The following EML2 variants were observed in gnomAD, a reference collection of about 807,000 sequenced individuals.
The protein encoded by EML2 is echinoderm microtubule-associated protein-like 2.
A neutral mutation model predicts 84.7 loss-of-function variants in EML2; 59 were observed. The observed-to-expected ratio is 0.70, with a 90% CI of 0.56 to 0.86. EML2 has a LOEUF of 0.86. EML2 is among the 40% of genes least tolerant of loss of function. The pLI is 0.00. For synonymous variants in EML2, 352 were observed against 348.9 expected, an observed-to-expected ratio of 1.01 and a Z score of -0.10; for missense variants, 818 against 855.6, an observed-to-expected ratio of 0.96 and a Z score of 0.55.
chr19:45,643,012 GA>G (rs140599188), upstream of EML2, among the ~76,000 whole-genome samples: 8 of 149,680 alleles, frequency 5.3e-5, no homozygotes, highest in South Asian at 4.2e-4. Flanking sequence ...AAAAGAAAAA[GA>G]AAAAAAAGAT....
At chr19:45,611,593 C>T (rs192124333) in intron 18 of EML2, among the ~76,000 whole-genome samples, 6 of 152,034 alleles carry the variant, frequency 3.9e-5, no homozygotes, top group Non-Finnish European at 5.9e-5. Flanking sequence ...TCAAGTGATC[C>T]TCCTGCCTCA....
At chr19:45,623,573 C>T (rs1190719079) in intron 9 of EML2, 1 of 150,384 alleles carries the variant, frequency 6.6e-6, no homozygotes, top group East Asian at 2.0e-4. Context: ...TTTTTTGAGA[C>T]AGAGTCTTGC....
At position 45,615,889 on chromosome 19, in the gene EML2, C is replaced by T. The variant is rs768452550; in HGVS notation, c.1510G>A (p.Gly504Ser). The T allele has an allele frequency of 6.8e-6, 11 of 1,613,464 alleles. No homozygotes were observed. Among genetic ancestry groups the T allele is most frequent in the Non-Finnish European group, 8.5e-6 (10 of 1,179,610 alleles). ...RKVSRLGKCS[G>S]HSSFITHLDW... The stretch of plus-strand genomic sequence containing the variant: ...AGGTGGGTGATAAAACTGGAATGGC[C>T]CTGCGGGGGAGGGAAGGGATGGTGT... Residue 504 changes from glycine to serine, a missense_variant and splice_region_variant, in exon 16 of 19, where the codon GGC becomes AGC. Gly to Ser is a moderately conservative substitution (Grantham distance 56). Transcript: ENST00000245925.
intron 9 of EML2, among the ~76,000 whole-genome samples, chr19:45,621,847 T>C (rs1397165851): frequency 6.6e-6 from 1 of 151,580 alleles, no homozygotes; most frequent in Non-Finnish European, 1.5e-5. Flanking sequence ...TGGGTTCAAG[T>C]GACTCTCCTA....
At chr19:45,628,656 C>T (rs1029278968) in intron 7 of EML2, 2 of 152,012 alleles carry the variant, frequency 1.3e-5, no homozygotes, top group African/African-American at 4.8e-5. Flanking sequence ...AACCCCGTCT[C>T]TACTAAAAAT....
chr19:45,634,266 CT>C (rs1041301696), intron 4 of EML2, 55 bp downstream of exon 4: 75 of 1,606,916 alleles, frequency 4.7e-5, no homozygotes, highest in Non-Finnish European at 5.7e-5. Flanking sequence ...GGGGCAGGGG[CT>C]GGAGCTCCAT....
rs780573115 is a variant in EML2, at chr19:45,632,969, C to T, written c.402G>A (p.Pro134=). The T allele has an allele frequency of 2.5e-6, 4 of 1,613,660 alleles. No homozygotes were observed. The Admixed American group carries it at 6.7e-5, about 27-fold the overall frequency. Residue 134 remains proline (P), a splice_region_variant and synonymous_variant, in exon 6 of 19, where the codon CCG becomes CCA. Coordinates refer to ENST00000245925, the MANE Select transcript of EML2 (RefSeq NM_012155.4). ...CCCAGATGCGCACGTGGGGCGGCAG[C>T]GGCTGCAGGGAAGAGAGGCTTGTTA... The part of the protein sequence containing the change: ...QVAGTTKEGK[P]LPPHVRIWDS...
intron 10 of EML2, 59 bp downstream of exon 10, chr19:45,621,424 C>T: frequency 6.3e-7 from 1 of 1,582,766 alleles, no homozygotes; most frequent in Non-Finnish European, 8.6e-7. Context: ...GCGTTGGGAG[C>T]CCTGGTGAGA....
At chr19:45,630,319 C>T (rs1443468354) in intron 6 of EML2, among the ~76,000 whole-genome samples, 2 of 150,320 alleles carry the variant, frequency 1.3e-5, no homozygotes, top group Non-Finnish European at 3.0e-5. Context: ...TTTGGGAGGC[C>T]GAGGCAGGTG....
At chr19:45,635,720 G>C (rs1365229518) in intron 3 of EML2, among the ~76,000 whole-genome samples, 1 of 151,038 alleles carries the variant, frequency 6.6e-6, no homozygotes, top group African/African-American at 2.4e-5. Context: ...AGCCTCCTGA[G>C]TAGCTGGGAT....
upstream of EML2, among the ~76,000 whole-genome samples, chr19:45,643,264 A>T (rs1974750815): frequency 6.6e-6 from 1 of 152,186 alleles, no homozygotes; most frequent in Admixed American, 6.5e-5. Context: ...CCCTAGAGCC[A>T]GCTGCAAGGA....
chr19:45,642,233 G>A (rs1410148662), upstream of EML2: 6 of 1,535,840 alleles, frequency 3.9e-6, no homozygotes, highest in Admixed American at 3.9e-5. Flanking sequence ...AGGCGACGCA[G>A]AGCATCCGCC....
intron 18 of EML2, among the ~76,000 whole-genome samples, chr19:45,611,767 C>T (rs774490247): frequency 1.1e-4 from 17 of 152,130 alleles, no homozygotes; most frequent in Non-Finnish European, 1.9e-4. Context: ...GGATTACAGG[C>T]GTGAGCCACC....
At chr19:45,637,671 T>C (rs1478701592) in intron 3 of EML2, among the ~76,000 whole-genome samples, 20 of 73,224 alleles carry the variant, frequency 2.7e-4, no homozygotes, top group Non-Finnish European at 5.2e-4. Context: ...TCTTTTCTTT[T>C]TTTTTTTTTT....
chr19:45,617,136 C>T (rs1053359881), intron 13 of EML2, among the ~76,000 whole-genome samples: 5 of 151,850 alleles, frequency 3.3e-5, no homozygotes, highest in African/African-American at 1.2e-4. Flanking sequence ...ATCCCAGCTA[C>T]TTAGGAGGCT....
intron 11 of EML2, chr19:45,620,722 A>G: frequency 5.2e-6 from 1 of 192,904 alleles, no homozygotes; most frequent in South Asian, 9.0e-5. Context: ...ATGAAAAAAA[A>G]AAAAAAAAAG....
At chr19:45,618,166 C>G (rs1047523162) in intron 12 of EML2, among the ~76,000 whole-genome samples, 5 of 151,870 alleles carry the variant, frequency 3.3e-5, no homozygotes, top group African/African-American at 1.2e-4. Context: ...TGGGTTCAAG[C>G]GATTCTCCTG....
upstream of EML2, chr19:45,642,608 C>T: frequency 8.8e-7 from 1 of 1,131,160 alleles, no homozygotes; most frequent in Non-Finnish European, 1.1e-6. Flanking sequence ...GAAGTCCCTT[C>T]CCTCTTATTT....
chr19:45,619,132 G>C lies in EML2; in HGVS notation c.1182C>G (p.Thr394=), dbSNP rs149963525. 6.2e-6 allele frequency: 10 copies of C among 1,612,774 alleles called. No homozygotes were observed. Among genetic ancestry groups the C allele is most frequent in the Admixed American group, 3.3e-5 (2 of 59,936 alleles). The change falls in exon 12 of 19, where the codon ACC becomes ACG. Residue 394 remains threonine (T), a synonymous_variant. Coordinates refer to ENST00000245925, the MANE Select transcript of EML2 (RefSeq NM_012155.4). The part of the protein sequence containing the change: ...ATHPSRAQFV[T]CGQDKLVHLW... ...GATGCACCAGCTTATCCTGCCCGCA[G>C]GTCACAAACTGGGCCCGACTGGGGT...
Sources: allele counts gnomAD v4.1 joint callset (sites outside exome capture counted in the v4.1 genomes callset), GRCh38; gene constraint gnomAD v4.1.1; transcripts MANE v1.5; gene names NCBI Gene and HGNC (gene_info 2026-07-23, HGNC 2026-07-21).